The following PRTFDC1 variants were observed in gnomAD, a reference collection of about 807,000 sequenced individuals.
The protein encoded by PRTFDC1 is phosphoribosyltransferase domain-containing protein 1.
Under a neutral mutation model 34.6 loss-of-function variants are expected in PRTFDC1, and 38 were observed. That is an observed-to-expected ratio of 1.10 (90% CI 0.85 to 1.44). PRTFDC1 has a LOEUF of 1.44. Ranked by LOEUF, PRTFDC1 falls within the 40% of genes most tolerant of loss-of-function variation. The pLI, the probability that PRTFDC1 is intolerant of heterozygous loss-of-function variation, is 0.00. For missense variants in PRTFDC1, 270 were observed against 283.0 expected (o/e 0.95, Z 0.33); for synonymous variants, 93 against 98.1 (o/e 0.95, Z 0.31).
At chr10:24,904,711 T>G (rs1848504254) in intron 3 of PRTFDC1, among the ~76,000 whole-genome samples, 1 of 152,182 alleles carries the variant, frequency 6.6e-6, no homozygotes, top group Non-Finnish European at 1.5e-5. Context: ...AAGCCATGGT[T>G]TAGAGAGACC....
At chr10:24,857,930 T>C (rs1361812708) in intron 5 of PRTFDC1, among the ~76,000 whole-genome samples, 1 of 152,196 alleles carries the variant, frequency 6.6e-6, no homozygotes, top group African/African-American at 2.4e-5. Flanking sequence ...AAACATAGCT[T>C]TCCCCATAGC....
At chr10:24,908,755 G>T (rs1331260506) in intron 3 of PRTFDC1, 4 of 1,491,624 alleles carry the variant, frequency 2.7e-6, no homozygotes, top group Non-Finnish European at 3.6e-6. Context: ...CGATCAGCCT[G>T]ATCAACCCTA....
At chr10:24,871,550 C>G (rs116355527) in intron 4 of PRTFDC1, among the ~76,000 whole-genome samples, 158 of 151,564 alleles carry the variant, frequency 1.0e-3, no homozygotes, top group African/African-American at 3.5e-3. Flanking sequence ...AAAACGCACT[C>G]TTAAGAGTTC....
At chr10:24,865,839 G>T (rs1245623959) in intron 4 of PRTFDC1, among the ~76,000 whole-genome samples, 2 of 152,128 alleles carry the variant, frequency 1.3e-5, no homozygotes, top group Non-Finnish European at 2.9e-5. Flanking sequence ...CTGTATTGGG[G>T]ATATGGAGAA....
intron 7 of PRTFDC1, among the ~76,000 whole-genome samples, chr10:24,852,817 A>C (rs1565254715): frequency 6.6e-6 from 1 of 152,212 alleles, no homozygotes; most frequent in Non-Finnish European, 1.5e-5. Flanking sequence ...AGCCTGGGCA[A>C]AGTCATCTCC....
chr10:24,851,550 C>T (rs527298586), intron 7 of PRTFDC1, 86 bp from the exon 8 acceptor site: 1 of 1,544,752 alleles, frequency 6.5e-7, no homozygotes, highest in African/African-American at 1.4e-5. Flanking sequence ...TGTCGCCACT[C>T]AAACTTGAGG....
intron 8 of PRTFDC1, 63 bp from the exon 9 acceptor site, chr10:24,849,954 G>C: frequency 6.7e-7 from 1 of 1,499,190 alleles, no homozygotes; most frequent in Non-Finnish European, 9.3e-7. Context: ...CAGAAAAGGT[G>C]ATGCAGTAAT....
At chr10:24,861,442 G>C (rs1322634118) in intron 4 of PRTFDC1, among the ~76,000 whole-genome samples, 2 of 152,190 alleles carry the variant, frequency 1.3e-5, no homozygotes, top group Non-Finnish European at 2.9e-5. Flanking sequence ...GGAGGTTGCA[G>C]TGAGCTGAGA....
intron 3 of PRTFDC1, among the ~76,000 whole-genome samples, chr10:24,911,550 T>A (rs143090558): frequency 6.6e-6 from 1 of 152,334 alleles, no homozygotes; most frequent in East Asian, 1.9e-4. Context: ...CTATGAATAT[T>A]TGCATACCAG....
At chr10:24,949,739 A>T (rs201240723) in intron 1 of PRTFDC1, among the ~76,000 whole-genome samples, 2,058 of 116,934 alleles carry the variant, frequency 0.018, 21 homozygotes, top group Non-Finnish European at 0.028. Flanking sequence ...TTATTTATTT[A>T]TTTTTTTTTT....
At chr10:24,862,904 G>A (rs910925725) in intron 4 of PRTFDC1, among the ~76,000 whole-genome samples, 1 of 152,096 alleles carries the variant, frequency 6.6e-6, no homozygotes, top group Non-Finnish European at 1.5e-5. Context: ...TTGAGACAGA[G>A]TCTTGCTCTG....
intron 3 of PRTFDC1, among the ~76,000 whole-genome samples, chr10:24,915,591 T>C (rs551742146): frequency 2.0e-5 from 3 of 152,200 alleles, no homozygotes; most frequent in Non-Finnish European, 4.4e-5. Flanking sequence ...TGGTTCTTTG[T>C]TCTTAAAGAC....
At chr10:24,938,199 A>G (rs1849085866) in intron 2 of PRTFDC1, among the ~76,000 whole-genome samples, 1 of 151,892 alleles carries the variant, frequency 6.6e-6, no homozygotes, top group Non-Finnish European at 1.5e-5. Context: ...GTACTACTCC[A>G]GCCTGCGCGA....
chr10:24,939,793 C>CAAAAAAAAAA (rs55974992), intron 2 of PRTFDC1, among the ~76,000 whole-genome samples: 7 of 71,538 alleles, frequency 9.8e-5, no homozygotes, highest in Admixed American at 1.9e-4. Flanking sequence ...GACTCTATCT[C>CAAAAAAAAAA]AAAAAAAAAA....
At chr10:24,928,844 TG>T (rs1437776160) in intron 3 of PRTFDC1, among the ~76,000 whole-genome samples, 1 of 151,630 alleles carries the variant, frequency 6.6e-6, no homozygotes, top group African/African-American at 2.4e-5. Flanking sequence ...GAGACCATCC[TG>T]ACTAACACGG....
chr10:24,888,912 C>T (rs1360787043), intron 3 of PRTFDC1, among the ~76,000 whole-genome samples: 1 of 152,036 alleles, frequency 6.6e-6, no homozygotes, highest in Non-Finnish European at 1.5e-5. Flanking sequence ...TTGACTTAAC[C>T]AGTTACTTTC....
intron 3 of PRTFDC1, among the ~76,000 whole-genome samples, chr10:24,934,245 A>AAGG (rs752635718): frequency 1.5e-5 from 1 of 66,212 alleles, no homozygotes; most frequent in Non-Finnish European, 3.6e-5. Context: ...GAAGAAGAAG[A>AAGG]AGGAGAAGAA....
intron 3 of PRTFDC1, among the ~76,000 whole-genome samples, chr10:24,884,703 T>G (rs1481897210): frequency 6.6e-6 from 1 of 152,196 alleles, no homozygotes; most frequent in Non-Finnish European, 1.5e-5. Context: ...CCCTCCTCTT[T>G]GCAGGGTAGA....
intron 3 of PRTFDC1, among the ~76,000 whole-genome samples, chr10:24,933,892 C>G (rs1849007033): frequency 6.6e-6 from 1 of 151,922 alleles, no homozygotes; most frequent in African/African-American, 2.4e-5. Context: ...GAGGTTTCAC[C>G]ATGTTGACCA....
Sources: gnomAD v4.1 joint callset for allele counts (sites outside exome capture counted in the v4.1 genomes callset) on GRCh38, gnomAD v4.1.1 for gene constraint, MANE v1.5 for transcripts, NCBI Gene and HGNC (gene_info 2026-07-23, HGNC 2026-07-21) for gene names.